Variants in PRUNE2 observed in about 807,000 individuals in gnomAD.
PRUNE2 encodes prune homolog 2 with BCH domain, also known as protein prune homolog 2.
In PRUNE2, 164 loss-of-function variants were observed where a neutral mutation model predicts 252.0. That is an observed-to-expected ratio of 0.65 (90% CI 0.57 to 0.74). The LOEUF (loss-of-function observed/expected upper bound fraction) is 0.74, where lower values mean the gene tolerates loss of function less well. PRUNE2 is among the 30% of genes least tolerant of loss of function. The pLI is 0.00. For synonymous variants in PRUNE2, 1,292 were observed against 1,350.2 expected (o/e 0.96, Z 0.94); for missense variants, 3,495 against 3,711.0 (o/e 0.94, Z 1.51).
At chr9:76,646,036 A>G (rs983681264) in intron 11 of PRUNE2, among the ~76,000 whole-genome samples, 4 of 152,232 alleles carry the variant, frequency 2.6e-5, no homozygotes, top group African/African-American at 9.6e-5. Context: ...CTAAACAAAT[A>G]TAGTCAAAAC....
intron 4 of PRUNE2, among the ~76,000 whole-genome samples, chr9:76,846,246 T>C (rs2132456617): frequency 6.6e-6 from 1 of 152,238 alleles, no homozygotes; most frequent in East Asian, 1.9e-4. Context: ...CTATTCCAGC[T>C]CCCTAACAGA....
intron 1 of PRUNE2, among the ~76,000 whole-genome samples, chr9:76,882,903 A>T (rs970716717): frequency 2.6e-5 from 4 of 152,198 alleles, no homozygotes; most frequent in African/African-American, 9.7e-5. Context: ...ACAGTGGGAG[A>T]TAAAAATAAT....
intron 1 of PRUNE2, among the ~76,000 whole-genome samples, chr9:76,903,675 C>T (rs2063314536): frequency 1.3e-5 from 2 of 152,302 alleles, no homozygotes; most frequent in Admixed American, 1.3e-4. Context: ...GCAACCTCCG[C>T]CTCCGAGGTT....
At position 76,708,966 on chromosome 9, in the gene PRUNE2, T is replaced by C. The variant is rs775694249; in HGVS notation, c.3308A>G (p.Asn1103Ser). Residue 1103 changes from asparagine (N) to serine (S), a missense_variant, in exon 8 of 19, where the codon AAC (asparagine) becomes AGC (serine). Physicochemically the swap from Asn to Ser is conservative, Grantham distance 46. Transcript: ENST00000376718. ...RQLTLLHSSTNSRQTAPDSLD... is the reference protein window; with the variant it reads ...RQLTLLHSSTSSRQTAPDSLD... ...ACTGTCAGGGGCCGTCTGCCGGGAG[T>C]TGGTGCTGCTGTGCAAAAGTGTGAG... 2.5e-6 allele frequency: 4 copies of C among 1,613,708 alleles called. No individual in the cohort carries two copies. Among genetic ancestry groups the C allele is most frequent in the African/African-American group, 1.3e-5 (1 of 74,846 alleles).
At chr9:76,702,027 C>T (rs1300084675) in intron 9 of PRUNE2, among the ~76,000 whole-genome samples, 2 of 151,682 alleles carry the variant, frequency 1.3e-5, no homozygotes, top group African/African-American at 4.8e-5. Flanking sequence ...GTCCTTTACA[C>T]TCCCAAGCTG....
intron 6 of PRUNE2, among the ~76,000 whole-genome samples, chr9:76,822,807 A>G (rs1225701060): frequency 7.3e-6 from 1 of 137,630 alleles, no homozygotes; most frequent in Non-Finnish European, 1.6e-5. Flanking sequence ...ACTCCACCTC[A>G]AAGAAAAAGA....
chr9:76,764,728 G>T (rs1344211285), intron 6 of PRUNE2, among the ~76,000 whole-genome samples: 1 of 152,222 alleles, frequency 6.6e-6, no homozygotes, highest in African/African-American at 2.4e-5. Context: ...AGGGACACCA[G>T]TTAAGTTATT....
In PRUNE2 at chr9:76,646,218, C is replaced by T. The variant is rs535477872; in HGVS notation, c.8558-1309G>A. ...ACTCCCTACTTAGCTTACAAACTTA[C>T]TCAGAGCACTCAAAAACAATTGGGA... On this transcript the variant is annotated intron_variant, in intron 11 of 18. Transcript: ENST00000376718. Among the ~76,000 whole-genome samples the T allele has an allele frequency of 1.6e-4, 24 of 152,254 alleles. No individual in the cohort carries two copies. In the South Asian group the frequency reaches 5.0e-3, roughly 32 times the overall value.
intron 4 of PRUNE2, among the ~76,000 whole-genome samples, chr9:76,832,875 G>A (rs1167021871): frequency 6.6e-6 from 1 of 151,928 alleles, no homozygotes; most frequent in Non-Finnish European, 1.5e-5. Flanking sequence ...AGATTCTACG[G>A]ACATTAAAAG....
chr9:76,807,516 A>T (rs1176368102), intron 6 of PRUNE2, among the ~76,000 whole-genome samples: 1 of 152,226 alleles, frequency 6.6e-6, no homozygotes, highest in East Asian at 1.9e-4. Context: ...AATTATACAC[A>T]ATAATATCAT....
chr9:76,879,878 C>CATATATATATATATAT (rs1391636538), intron 1 of PRUNE2, among the ~76,000 whole-genome samples: 3 of 75,386 alleles, frequency 4.0e-5, no homozygotes, highest in African/African-American at 2.0e-4. Context: ...AGAGGCCTGT[C>CATATATATATATATAT]ATATATATAT....
chr9:76,667,589 A>T (rs2040448277), intron 9 of PRUNE2, among the ~76,000 whole-genome samples: 1 of 152,190 alleles, frequency 6.6e-6, no homozygotes, highest in South Asian at 2.1e-4. Flanking sequence ...TTCCTGCCCC[A>T]AGTAGTTCAA....
At position 76,706,661 on chromosome 9, in the gene PRUNE2, T is replaced by C. The variant is rs1289461671; in HGVS notation, c.5613A>G (p.Pro1871=). Residue 1871 remains proline (P), a synonymous_variant, in exon 8 of 19, where the codon CCA becomes CCG. Transcript: ENST00000376718. ...VHQNASPWGV[P]VQGDIEPVET... ...CCACGGGCTCAATATCACCCTGAACTGGTACTCCCCAGGGACTGGCATTTT... is the reference window on the plus strand; with the variant it reads ...CCACGGGCTCAATATCACCCTGAACCGGTACTCCCCAGGGACTGGCATTTT... 6.2e-7 allele frequency: 1 copy of C among 1,613,752 alleles called. No individual in the cohort carries two copies. The highest frequency in any genetic ancestry group is 8.5e-7 in the Non-Finnish European group (1 of 1,179,852).
At chr9:76,816,626 C>T (rs893076330) in intron 6 of PRUNE2, among the ~76,000 whole-genome samples, 8 of 152,082 alleles carry the variant, frequency 5.3e-5, no homozygotes, top group Admixed American at 2.6e-4. Flanking sequence ...TTGGAATTTT[C>T]GACAAAATAT....
At chr9:76,871,421 T>C (rs914201872) in intron 1 of PRUNE2, among the ~76,000 whole-genome samples, 3 of 152,218 alleles carry the variant, frequency 2.0e-5, no homozygotes, top group Non-Finnish European at 2.9e-5. Context: ...TCCACAGATT[T>C]TGGTATCCAG....
chr9:76,644,523 G>A (rs143674102), intron 12 of PRUNE2: 61 of 657,752 alleles, frequency 9.3e-5, no homozygotes, highest in African/African-American at 6.3e-4. Flanking sequence ...TGAAAAGCCC[G>A]TTTTATATTG....
chr9:76,838,005 T>C (rs2059149996), intron 4 of PRUNE2, among the ~76,000 whole-genome samples: 1 of 151,910 alleles, frequency 6.6e-6, no homozygotes, highest in Non-Finnish European at 1.5e-5. Context: ...TCTCCTGACC[T>C]CGTGATCTGC....
At chr9:76,828,086 A>G (rs1244420538) in intron 4 of PRUNE2, among the ~76,000 whole-genome samples, 1 of 152,256 alleles carries the variant, frequency 6.6e-6, no homozygotes, top group South Asian at 2.1e-4. Context: ...CATTTTCAAT[A>G]GCAGAGAATA....
In PRUNE2 at chr9:76,613,679, T is replaced by C. The variant is rs1276565994; in HGVS notation, c.*891A>G. 1.3e-5 allele frequency: 2 copies of C among 152,208 alleles called. No individual in the cohort carries two copies. Among genetic ancestry groups the C allele is most frequent in the African/African-American group, 2.4e-5 (1 of 41,450 alleles). 9.4% of individuals were successfully genotyped at this position (152,208 alleles called of 1,614,324 possible). On this transcript the variant is annotated 3_prime_UTR_variant, in exon 19 of 19. Coordinates refer to ENST00000376718, the MANE Select transcript of PRUNE2 (RefSeq NM_015225.3). The stretch of plus-strand genomic sequence containing the variant: ...CTCATATTTAATTTTAAGCCTATGA[T>C]CAGATTACGGTGTTTTAAAGCAGAT...
Sources: gnomAD v4.1 joint callset for allele counts (sites outside exome capture counted in the v4.1 genomes callset) on GRCh38, gnomAD v4.1.1 for gene constraint, MANE v1.5 for transcripts, NCBI Gene and HGNC (gene_info 2026-07-23, HGNC 2026-07-21) for gene names.